The following LRRC4C variants were observed in gnomAD, a reference collection of about 807,000 sequenced individuals.
The protein encoded by LRRC4C is leucine-rich repeat-containing protein 4C.
LRRC4C carries 5 observed loss-of-function variants against 33.6 expected under a neutral mutation model. The ratio of observed to expected loss-of-function variants is 0.15; its 90% CI spans 0.08 to 0.31. The LOEUF (loss-of-function observed/expected upper bound fraction) is 0.31, where lower values mean the gene tolerates loss of function less well. Ranked by LOEUF, LRRC4C falls within the 10% of genes least tolerant of loss-of-function variation. The probability of loss-of-function intolerance (pLI) is 1.00; values close to 1 mark genes in which losing one functional copy is unlikely to be tolerated. For missense variants in LRRC4C, 560 were observed against 796.7 expected, an observed-to-expected ratio of 0.70 and a Z score of 3.58; for synonymous variants, 329 against 302.0, an observed-to-expected ratio of 1.09 and a Z score of -0.93.
intron 1 of LRRC4C, among the ~76,000 whole-genome samples, chr11:41,311,957 A>C (rs189166302): frequency 9.9e-5 from 15 of 152,276 alleles, no homozygotes; most frequent in Non-Finnish European, 1.9e-4. Context: ...TTATTGTCTC[A>C]AGAGAATATT....
chr11:40,707,213 G>T (rs1266162683), intron 2 of LRRC4C, among the ~76,000 whole-genome samples: 1 of 151,916 alleles, frequency 6.6e-6, no homozygotes, highest in East Asian at 1.9e-4. Context: ...TCTTTTTCTT[G>T]CCTGAGTGCC....
intron 3 of LRRC4C, among the ~76,000 whole-genome samples, chr11:40,541,468 A>G (rs1956704542): frequency 6.6e-6 from 1 of 152,094 alleles, no homozygotes; most frequent in African/African-American, 2.4e-5. Flanking sequence ...ATAATTTCAG[A>G]TTGGGAAGGA....
chr11:40,494,959 C>T (rs1028633813), intron 3 of LRRC4C, among the ~76,000 whole-genome samples: 4 of 152,110 alleles, frequency 2.6e-5, no homozygotes, highest in South Asian at 2.1e-4. Context: ...AAAATTGTAT[C>T]GCTCTCATAG....
chr11:40,177,936 TC>T lies in LRRC4C; in HGVS notation c.-95-37084del, dbSNP rs150724124. 3.8e-3 allele frequency among the ~76,000 whole-genome samples: 579 copies of T among 152,294 alleles called. 4 individuals are homozygous for T. The highest frequency in any genetic ancestry group is 0.013 in the African/African-American group (554 of 41,558). On this transcript the variant is annotated intron_variant, in intron 5 of 6. Transcript: ENST00000528697. The stretch of plus-strand genomic sequence containing the variant: ...GATTGCTAAATTGCATTGAGTGGCA[TC>T]AATTTTCATAAAGACTTTGGTTTTG...
At chr11:40,391,851 C>T (rs182930509) in intron 3 of LRRC4C, among the ~76,000 whole-genome samples, 53 of 152,250 alleles carry the variant, frequency 3.5e-4, no homozygotes, top group African/African-American at 1.2e-3. Flanking sequence ...TGCGAATGTT[C>T]CTAGCAGCTT....
At chr11:41,221,010 C>T (rs947416836) in intron 1 of LRRC4C, among the ~76,000 whole-genome samples, 26 of 152,036 alleles carry the variant, frequency 1.7e-4, no homozygotes, top group African/African-American at 6.0e-4. Context: ...ATTTTAAGTT[C>T]GGGGGTACAA....
chr11:40,324,823 A>G (rs1486379483), intron 3 of LRRC4C, among the ~76,000 whole-genome samples: 1 of 152,178 alleles, frequency 6.6e-6, no homozygotes, highest in Non-Finnish European at 1.5e-5. Context: ...TGAAGAGCGT[A>G]AGCTTTGGAT....
At chr11:40,282,338 C>T (rs1455176990) in intron 4 of LRRC4C, among the ~76,000 whole-genome samples, 1 of 151,996 alleles carries the variant, frequency 6.6e-6, no homozygotes, top group Non-Finnish European at 1.5e-5. Flanking sequence ...GAGTGAGACT[C>T]CATCTCAAAA....
chr11:40,401,528 T>A (rs1276421235), intron 3 of LRRC4C, among the ~76,000 whole-genome samples: 1 of 152,088 alleles, frequency 6.6e-6, no homozygotes, highest in Non-Finnish European at 1.5e-5. Context: ...TTCCAGTGGG[T>A]GCATCATATG....
intron 4 of LRRC4C, among the ~76,000 whole-genome samples, chr11:40,260,882 C>A (rs1386816210): frequency 6.6e-6 from 1 of 151,972 alleles, no homozygotes; most frequent in Admixed American, 6.6e-5. Context: ...ACAAAAAATT[C>A]TTTTTTTATT....
chr11:40,361,618 A>C (rs776542323), intron 3 of LRRC4C, among the ~76,000 whole-genome samples: 6 of 152,220 alleles, frequency 3.9e-5, no homozygotes, highest in Non-Finnish European at 8.8e-5. Flanking sequence ...CACAAACGAA[A>C]AAACATTCCA....
intron 1 of LRRC4C, among the ~76,000 whole-genome samples, chr11:41,335,569 G>A (rs371440730): frequency 3.5e-4 from 53 of 152,254 alleles, no homozygotes; most frequent in African/African-American, 1.3e-3. Flanking sequence ...TCTAAGGGCA[G>A]AAATTCTATA....
At position 41,010,666 on chromosome 11, in the gene LRRC4C, CA is replaced by C. The variant is rs561735198; in HGVS notation, c.-495-76944del. ...ATACTGTGGCTCAGTCTAGGCTAAGCAAGTGAAATCATATTTTTGAGAGAGA... is the reference window on the plus strand; with the variant it reads ...ATACTGTGGCTCAGTCTAGGCTAAGCAGTGAAATCATATTTTTGAGAGAGA... On this transcript the variant is annotated intron_variant, in intron 1 of 6. Coordinates refer to ENST00000528697, the MANE Select transcript of LRRC4C (RefSeq NM_001258419.2). Among the ~76,000 whole-genome samples the C allele has an allele frequency of 5.9e-5, 9 of 152,242 alleles. No homozygotes were observed. The South Asian group carries it at 1.9e-3, about 32-fold the overall frequency.
Position 41,249,504 on chromosome 11 carries a change from G to GT in LRRC4C, c.-496+209926dup, listed in dbSNP as rs1468960221. ...CCTGTGCCCTCCTAAGGTATTCAGAGTGAAATACAGAAAACTTACCATGAC... is the reference window on the plus strand; with the variant it reads ...CCTGTGCCCTCCTAAGGTATTCAGAGTTGAAATACAGAAAACTTACCATGAC... On this transcript the variant is annotated intron_variant, in intron 1 of 6. Coordinates refer to ENST00000528697, the MANE Select transcript of LRRC4C (RefSeq NM_001258419.2). 4.6e-5 allele frequency among the ~76,000 whole-genome samples: 7 copies of GT among 152,232 alleles called. No homozygotes were observed. In the South Asian group the frequency reaches 1.2e-3, roughly 27 times the overall value.
intron 1 of LRRC4C, among the ~76,000 whole-genome samples, chr11:41,365,316 C>T (rs954017675): frequency 1.3e-5 from 2 of 151,790 alleles, no homozygotes; most frequent in Admixed American, 1.3e-4. Flanking sequence ...CAGATGGGAC[C>T]ATCTAGTTGC....
intron 3 of LRRC4C, among the ~76,000 whole-genome samples, chr11:40,410,663 C>CT (rs777550020): frequency 2.6e-5 from 4 of 152,178 alleles, no homozygotes; most frequent in Admixed American, 2.0e-4. Context: ...GAACAAGGCA[C>CT]TTTTTTTATA....
intron 2 of LRRC4C, among the ~76,000 whole-genome samples, chr11:40,890,538 G>A (rs989404799): frequency 5.9e-5 from 9 of 152,088 alleles, no homozygotes; most frequent in Admixed American, 2.0e-4. Flanking sequence ...TTTTGGAGAC[G>A]TATTTAAACC....
chr11:40,500,293 T>TAC (rs375005241), intron 3 of LRRC4C, among the ~76,000 whole-genome samples: 1,288 of 96,782 alleles, frequency 0.013, 11 homozygotes, highest in African/African-American at 0.024. Context: ...TATATATATA[T>TAC]ACACACACAC....
At chr11:40,593,402 G>A (rs969765523) in intron 3 of LRRC4C, among the ~76,000 whole-genome samples, 1 of 152,048 alleles carries the variant, frequency 6.6e-6, no homozygotes, top group Non-Finnish European at 1.5e-5. Flanking sequence ...ATTTATATAT[G>A]TATTAAGATA....
Sources: gnomAD v4.1 joint callset for allele counts (sites outside exome capture counted in the v4.1 genomes callset) on GRCh38, gnomAD v4.1.1 for gene constraint, MANE v1.5 for transcripts, NCBI Gene and HGNC (gene_info 2026-07-23, HGNC 2026-07-21) for gene names.